Variants in FAM169A observed in about 807,000 individuals in gnomAD.
FAM169A encodes family with sequence similarity 169 member A, also known as soluble lamin-associated protein of 75 kDa.
A neutral mutation model predicts 75.7 loss-of-function variants in FAM169A; 24 were observed. The ratio of observed to expected loss-of-function variants is 0.32; its 90% CI spans 0.23 to 0.45. The LOEUF is 0.45. Among genes scored for constraint, FAM169A ranks in the 20% least tolerant of loss-of-function variants. FAM169A has a pLI of 1.00. For missense variants in FAM169A, 673 were observed against 784.0 expected, an observed-to-expected ratio of 0.86 and a Z score of 1.69; for synonymous variants, 271 against 271.0, an observed-to-expected ratio of 1.00 and a Z score of 0.00.
intron 1 of FAM169A, among the ~76,000 whole-genome samples, chr5:74,844,403 A>T (rs1749039355): frequency 1.3e-5 from 2 of 152,112 alleles, no homozygotes; most frequent in Non-Finnish European, 2.9e-5. Context: ...TCAATGACGC[A>T]GTGAGGTATG....
intron 1 of FAM169A, among the ~76,000 whole-genome samples, chr5:74,862,565 A>C (rs1279744712): frequency 1.3e-5 from 2 of 152,208 alleles, no homozygotes; most frequent in Admixed American, 1.3e-4. Flanking sequence ...CACTTTGTTC[A>C]GTTCACTCAC....
intron 3 of FAM169A, among the ~76,000 whole-genome samples, chr5:74,839,715 G>A (rs1748759503): frequency 6.6e-6 from 1 of 151,644 alleles, no homozygotes; most frequent in South Asian, 2.1e-4. Context: ...GTAGAGACAG[G>A]GTTTCACCAT....
intron 1 of FAM169A, among the ~76,000 whole-genome samples, chr5:74,853,874 ATCT>A (rs1459431016): frequency 3.3e-5 from 5 of 151,758 alleles, no homozygotes; most frequent in African/African-American, 1.2e-4. Context: ...CACCCGGCTA[ATCT>A]TCTTCAGAAT....
chr5:74,782,141 T>G, intron 12 of FAM169A, 133 bp from the exon 13 acceptor site: 1 of 688,156 alleles, frequency 1.5e-6, no homozygotes, highest in Non-Finnish European at 2.4e-6. Flanking sequence ...AGTATTTTTT[T>G]GAATTTCTGT....
chr5:74,852,435 C>T (rs1404590894), intron 1 of FAM169A, among the ~76,000 whole-genome samples: 1 of 152,108 alleles, frequency 6.6e-6, no homozygotes, highest in Non-Finnish European at 1.5e-5. Flanking sequence ...GTACAAGAGA[C>T]AGTAGTCTTA....
In FAM169A at chr5:74,778,649, T is replaced by C. The variant is rs1326281484; in HGVS notation, c.*2811A>G. 1 of 152,106 alleles carries C rather than the reference T, an allele frequency of 6.6e-6. No individual in the cohort carries two copies. The highest frequency in any genetic ancestry group is 1.5e-5 in the Non-Finnish European group (1 of 67,936). 9.4% of individuals were successfully genotyped at this position (152,106 alleles called of 1,614,324 possible). On this transcript the variant is annotated 3_prime_UTR_variant, in exon 13 of 13. Transcript: ENST00000687041. ...CTTTAAAAGTTGTAGAGGAGCTTTATAATAAATTCTTAAATATACTAATTT... is the reference window on the plus strand; with the variant it reads ...CTTTAAAAGTTGTAGAGGAGCTTTACAATAAATTCTTAAATATACTAATTT...
At chr5:74,858,029 T>C (rs960329035) in intron 1 of FAM169A, among the ~76,000 whole-genome samples, 1 of 152,136 alleles carries the variant, frequency 6.6e-6, no homozygotes, top group African/African-American at 2.4e-5. Context: ...ATATGTATTA[T>C]ATTCTAAAGC....
Position 74,866,145 on chromosome 5 carries a change from G to A in FAM169A, c.-4+20C>T, listed in dbSNP as rs1750329599. On this transcript the variant is annotated intron_variant, in intron 1 of 12. Transcript: ENST00000687041. ...CGGCCTCACCCAGCGGTCCGCGCCG[G>A]GGAGAGGGAGCGCACTCACCTCAGA... 1.0e-6 allele frequency: 1 copy of A among 977,118 alleles called. No individual in the cohort carries two copies. The highest frequency in any genetic ancestry group is 4.7e-5 in the South Asian group (1 of 21,160). The allele number at this position is 977,118 out of a possible 1,614,324, so 60.5% of individuals were successfully genotyped here. A position where few individuals can be genotyped will look rare whatever the true frequency, so the allele number is the denominator to read the frequency against.
At position 74,778,873 on chromosome 5, in the gene FAM169A, T is replaced by G. The variant is rs1745259845; in HGVS notation, c.*2587A>C. 6.6e-6 allele frequency: 1 copy of G among 152,086 alleles called. No homozygotes were observed. Among genetic ancestry groups the G allele is most frequent in the Non-Finnish European group, 1.5e-5 (1 of 67,914 alleles). 9.4% of individuals were successfully genotyped at this position (152,086 alleles called of 1,614,324 possible). On this transcript the variant is annotated 3_prime_UTR_variant, in exon 13 of 13. Transcript: ENST00000687041. Reference sequence around the variant, plus strand: ...TAGCCGGTTGAAATCACATTTTCAGTCCTCTGTAATTGTGAAATTTTTTCT... The same window carrying G: ...TAGCCGGTTGAAATCACATTTTCAGGCCTCTGTAATTGTGAAATTTTTTCT...
chr5:74,853,214 A>G (rs1749531947), intron 1 of FAM169A, among the ~76,000 whole-genome samples: 1 of 152,208 alleles, frequency 6.6e-6, no homozygotes, highest in Non-Finnish European at 1.5e-5. Context: ...TTAATTTACA[A>G]AAGGATAATA....
chr5:74,800,130 T>A (rs530562502), intron 10 of FAM169A: 1 of 527,730 alleles, frequency 1.9e-6, no homozygotes, highest in East Asian at 4.1e-5. Context: ...TGACTGCAGC[T>A]GTGCCGTGGC....
intron 6 of FAM169A, among the ~76,000 whole-genome samples, chr5:74,810,326 G>A (rs553179415): frequency 7.9e-5 from 12 of 152,196 alleles, no homozygotes; most frequent in Middle Eastern, 3.4e-3. Flanking sequence ...GAAGGAAGCC[G>A]GGGGACTGGT....
At chr5:74,805,104 G>A in intron 7 of FAM169A, 52 bp downstream of exon 7, 2 of 1,550,792 alleles carry the variant, frequency 1.3e-6, no homozygotes, top group East Asian at 2.2e-5. Context: ...GCAAGGACAG[G>A]CTACCAAAAA....
At position 74,778,598 on chromosome 5, in the gene FAM169A, A is replaced by T. The variant is rs1472782747; in HGVS notation, c.*2862T>A. On this transcript the variant is annotated 3_prime_UTR_variant, in exon 13 of 13. Transcript: ENST00000687041. ...TCTAAATCATGCTGTTTGATTTTAT[A>T]AAAAAATCATAATAGACCCTCTCAC... The T allele has an allele frequency of 1.4e-5, 1 of 69,384 alleles. No individual in the cohort carries two copies. Among genetic ancestry groups the T allele is most frequent in the Non-Finnish European group, 2.4e-5 (1 of 41,214 alleles). The allele number at this position is 69,384 out of a possible 1,614,324, so 4.3% of individuals were successfully genotyped here.
intron 5 of FAM169A, among the ~76,000 whole-genome samples, chr5:74,817,746 CA>C (rs1450721681): frequency 6.6e-6 from 1 of 152,084 alleles, no homozygotes; most frequent in Admixed American, 6.6e-5. Context: ...TTCACACTTC[CA>C]AATTTCAACT....
intron 4 of FAM169A, among the ~76,000 whole-genome samples, chr5:74,834,999 T>TAAAAA (rs34697673): frequency 7.6e-6 from 1 of 131,128 alleles, no homozygotes. Flanking sequence ...TCTCCACATT[T>TAAAAA]AAAAAAAAAA....
At chr5:74,791,512 T>C (rs1362849628) in intron 11 of FAM169A, among the ~76,000 whole-genome samples, 1 of 152,200 alleles carries the variant, frequency 6.6e-6, no homozygotes, top group Non-Finnish European at 1.5e-5. Context: ...CACTTTGGGC[T>C]CCTCCTACCT....
chr5:74,781,309 A>G lies in FAM169A; in HGVS notation c.*151T>C, dbSNP rs1173631896. On this transcript the variant is annotated 3_prime_UTR_variant, in exon 13 of 13. Transcript: ENST00000687041. ...AAAACAATGGTGAATTCTACGTTCT[A>G]AAGGGAAGCAAAAAACTGCATAGTA... 6 of 656,152 alleles carry G rather than the reference A, an allele frequency of 9.1e-6. No homozygotes were observed. The highest frequency in any genetic ancestry group is 1.5e-5 in the Non-Finnish European group (6 of 388,658). 40.6% of individuals were successfully genotyped at this position (656,152 alleles called of 1,614,324 possible). A position where few individuals can be genotyped will look rare whatever the true frequency, so the allele number is the denominator to read the frequency against.
chr5:74,829,999 A>T (rs374897465), intron 5 of FAM169A, among the ~76,000 whole-genome samples: 9 of 152,110 alleles, frequency 5.9e-5, no homozygotes, highest in East Asian at 3.9e-4. Context: ...TATGGGGAAT[A>T]AAATACAGAT....
Sources: allele counts gnomAD v4.1 joint callset (sites outside exome capture counted in the v4.1 genomes callset), GRCh38; gene constraint gnomAD v4.1.1; transcripts MANE v1.5; gene names NCBI Gene and HGNC (gene_info 2026-07-23, HGNC 2026-07-21).